CCSER1: variants seen among roughly 807,000 people sequenced by gnomAD.
CCSER1 encodes coiled-coil serine rich protein 1.
In CCSER1, 41 loss-of-function variants were observed where a neutral mutation model predicts 82.0. The observed-to-expected ratio is 0.50, with a 90% CI of 0.39 to 0.65. The LOEUF is 0.65. CCSER1 is among the 30% of genes least tolerant of loss of function. The pLI is 0.00. For missense variants in CCSER1, 1,119 were observed against 1,064.2 expected (o/e 1.05, Z -0.72); for synonymous variants, 414 against 383.9 (o/e 1.08, Z -0.92).
At chr4:90,590,197 C>T (rs2148684233) in intron 5 of CCSER1, among the ~76,000 whole-genome samples, 1 of 152,204 alleles carries the variant, frequency 6.6e-6, no homozygotes. Context: ...TTGCTTGAAA[C>T]CAGGAGAAAG....
intron 1 of CCSER1, among the ~76,000 whole-genome samples, chr4:90,177,373 C>T (rs1009476204): frequency 3.3e-5 from 5 of 152,030 alleles, no homozygotes; most frequent in African/African-American, 1.2e-4. Flanking sequence ...TGAAAGATTC[C>T]TTAGACACTT....
intron 5 of CCSER1, among the ~76,000 whole-genome samples, chr4:90,532,071 A>G (rs1211060835): frequency 6.6e-6 from 1 of 152,188 alleles, no homozygotes; most frequent in African/African-American, 2.4e-5. Flanking sequence ...TTTTATAATT[A>G]ATAGTAAGTA....
chr4:91,324,621 A>G lies in CCSER1; in HGVS notation c.2217+238627A>G, dbSNP rs140303263. Among the ~76,000 whole-genome samples the G allele has an allele frequency of 4.5e-4, 68 of 152,338 alleles. No homozygotes were observed. In the East Asian group the frequency reaches 0.013, roughly 29 times the overall value. On this transcript the variant is annotated intron_variant, in intron 10 of 10. Coordinates refer to ENST00000509176, the MANE Select transcript of CCSER1 (RefSeq NM_001145065.2). The stretch of plus-strand genomic sequence containing the variant: ...ATAAACCTCATAGGCAGTGTTATCA[A>G]TTAGTGATGTCTTTGGCTCTGAGTA...
At chr4:90,643,988 T>C (rs934041327) in intron 6 of CCSER1, among the ~76,000 whole-genome samples, 1 of 152,172 alleles carries the variant, frequency 6.6e-6, no homozygotes, top group Non-Finnish European at 1.5e-5. Flanking sequence ...ATAGTACATT[T>C]ATGATTATAG....
intron 5 of CCSER1, among the ~76,000 whole-genome samples, chr4:90,478,757 T>G (rs1160844779): frequency 1.3e-5 from 2 of 150,986 alleles, no homozygotes; most frequent in African/African-American, 4.9e-5. Context: ...TTTATTTTTT[T>G]GGAGATGGAG....
intron 10 of CCSER1, among the ~76,000 whole-genome samples, chr4:91,288,944 T>G (rs575698023): frequency 6.6e-6 from 1 of 152,144 alleles, no homozygotes; most frequent in South Asian, 2.1e-4. Flanking sequence ...CCTTCTTGTT[T>G]TATAGACTAA....
intron 10 of CCSER1, among the ~76,000 whole-genome samples, chr4:91,366,827 A>C (rs190556144): frequency 1.3e-5 from 2 of 152,300 alleles, no homozygotes; most frequent in Admixed American, 6.5e-5. Flanking sequence ...TACATCATCA[A>C]CACCACAATA....
At chr4:90,660,348 C>G (rs1219011103) in intron 6 of CCSER1, among the ~76,000 whole-genome samples, 1 of 151,876 alleles carries the variant, frequency 6.6e-6, no homozygotes, top group Non-Finnish European at 1.5e-5. Flanking sequence ...TACTACATAG[C>G]CATAAAAAGA....
intron 1 of CCSER1, among the ~76,000 whole-genome samples, chr4:90,232,420 A>G (rs1578646064): frequency 1.3e-5 from 2 of 152,320 alleles, no homozygotes; most frequent in African/African-American, 4.8e-5. Flanking sequence ...GGCTAGCCAT[A>G]TGTAGAAAGC....
chr4:90,271,856 ATATATATTTTTTTTTTTTT>A (rs1483678380), intron 1 of CCSER1, among the ~76,000 whole-genome samples: 186 of 26,020 alleles, frequency 7.1e-3, no homozygotes, highest in African/African-American at 0.056. Flanking sequence ...ATATATATAT[ATATATATTTTTTTTTTTTT>A]TTTTTTTTTT....
At chr4:90,720,780 CAT>C (rs1463035062) in intron 6 of CCSER1, among the ~76,000 whole-genome samples, 4 of 151,854 alleles carry the variant, frequency 2.6e-5, no homozygotes, top group Non-Finnish European at 5.9e-5. Flanking sequence ...AAAATGAGTA[CAT>C]GTTTGTATTT....
intron 3 of CCSER1, among the ~76,000 whole-genome samples, chr4:90,397,390 A>G (rs1752120139): frequency 6.6e-6 from 1 of 152,208 alleles, no homozygotes; most frequent in Non-Finnish European, 1.5e-5. Context: ...AAAATAAAAT[A>G]TTTTAAAATT....
chr4:91,280,662 G>A lies in CCSER1; in HGVS notation c.2217+194668G>A, dbSNP rs556768173. Among the ~76,000 whole-genome samples the A allele has an allele frequency of 2.0e-5, 3 of 152,308 alleles. No individual in the cohort carries two copies. In the South Asian group the frequency reaches 6.2e-4, roughly 32 times the overall value. ...GCAGACATAAACAAGTGGTTTAGGA[G>A]TGAGAGCATCGGCCACAGGTGGTGT... On this transcript the variant is annotated intron_variant, in intron 10 of 10. Transcript: ENST00000509176.
intron 6 of CCSER1, among the ~76,000 whole-genome samples, chr4:90,685,698 A>G (rs1734700049): frequency 6.6e-6 from 1 of 152,150 alleles, no homozygotes; most frequent in African/African-American, 2.4e-5. Context: ...CTCTCTGCCC[A>G]ACTTTTGGTA....
chr4:90,606,530 T>C (rs886903552), intron 5 of CCSER1, among the ~76,000 whole-genome samples: 1 of 152,178 alleles, frequency 6.6e-6, no homozygotes, highest in African/African-American at 2.4e-5. Context: ...CATGGTACAG[T>C]CCCACACTTG....
chr4:90,609,221 CAG>C (rs1395200847), intron 5 of CCSER1, among the ~76,000 whole-genome samples: 1 of 151,892 alleles, frequency 6.6e-6, no homozygotes, highest in African/African-American at 2.4e-5. Flanking sequence ...GAATAGAAAT[CAG>C]ACATAGTGTG....
chr4:91,408,059 G>T (rs1463032914), intron 10 of CCSER1, among the ~76,000 whole-genome samples: 1 of 152,008 alleles, frequency 6.6e-6, no homozygotes, highest in Non-Finnish European at 1.5e-5. Flanking sequence ...AAAGCCCTCA[G>T]GCCAAAAGTG....
At chr4:91,140,084 C>A (rs1728884318) in intron 10 of CCSER1, among the ~76,000 whole-genome samples, 1 of 151,872 alleles carries the variant, frequency 6.6e-6, no homozygotes, top group Admixed American at 6.6e-5. Flanking sequence ...GTGCTTTATT[C>A]CTAATGACTG....
chr4:90,759,121 C>T (rs981036838), intron 7 of CCSER1, among the ~76,000 whole-genome samples: 4 of 152,080 alleles, frequency 2.6e-5, no homozygotes, highest in East Asian at 3.9e-4. Flanking sequence ...TTCTCTTAGC[C>T]GTATTTCTAG....
Sources: allele counts gnomAD v4.1 joint callset (sites outside exome capture counted in the v4.1 genomes callset), GRCh38; gene constraint gnomAD v4.1.1; transcripts MANE v1.5; gene names NCBI Gene and HGNC (gene_info 2026-07-23, HGNC 2026-07-21).